Variants in ABCC11 observed in about 807,000 individuals in gnomAD.
The protein encoded by ABCC11 is ATP binding cassette subfamily C member 11, also known as ATP-binding cassette sub-family C member 11.
In ABCC11, 135 loss-of-function variants were observed where a neutral mutation model predicts 149.3. The ratio of observed to expected loss-of-function variants is 0.90; its 90% CI spans 0.79 to 1.04. ABCC11 has a LOEUF of 1.04. Ranked by LOEUF, ABCC11 falls within the 50% of genes least tolerant of loss-of-function variation. The pLI is 0.00. For missense variants in ABCC11, 1,680 were observed against 1,722.1 expected, an observed-to-expected ratio of 0.98 and a Z score of 0.43; for synonymous variants, 665 against 671.4, an observed-to-expected ratio of 0.99 and a Z score of 0.15.
intron 6 of ABCC11, among the ~76,000 whole-genome samples, chr16:48,216,849 T>C (rs1969380077): frequency 6.6e-6 from 1 of 152,164 alleles, no homozygotes; most frequent in Admixed American, 6.5e-5. Context: ...TCACCACATA[T>C]TTCATACTAA....
At chr16:48,178,524 G>T in intron 24 of ABCC11, 73 bp downstream of exon 24, 1 of 1,443,262 alleles carries the variant, frequency 6.9e-7, no homozygotes, top group Admixed American at 1.7e-5. Context: ...AGGCCAGTGG[G>T]GCTTGTAGAG....
At chr16:48,212,267 G>A (rs1316618033) in intron 10 of ABCC11, among the ~76,000 whole-genome samples, 1 of 152,038 alleles carries the variant, frequency 6.6e-6, no homozygotes, top group Non-Finnish European at 1.5e-5. Context: ...CTTCGCAGGG[G>A]CCTTCCCTAA....
rs756229192 is a variant in ABCC11, at chr16:48,193,860, TC to T, written c.2508+18del. The T allele has an allele frequency of 6.3e-6, 10 of 1,597,872 alleles. No individual in the cohort carries two copies. The highest frequency in any genetic ancestry group is 1.3e-5 in the African/African-American group (1 of 74,460). On this transcript the variant is annotated intron_variant, in intron 19 of 29. Transcript: ENST00000356608. ...CTCAAGCCCATAGAAACACAGCCCA[TC>T]CACCTCATGGCACTCACCCCCGAGC...
chr16:48,218,845 A>T (rs1040095591), intron 6 of ABCC11, among the ~76,000 whole-genome samples: 1 of 152,168 alleles, frequency 6.6e-6, no homozygotes, highest in Non-Finnish European at 1.5e-5. Context: ...TTCCTTTATA[A>T]ATTACCCAGT....
At chr16:48,202,892 G>T (rs1968117238) in intron 14 of ABCC11, among the ~76,000 whole-genome samples, 1 of 152,200 alleles carries the variant, frequency 6.6e-6, no homozygotes, top group African/African-American at 2.4e-5. Flanking sequence ...TCCCCTGAGG[G>T]TCATGGCTGA....
At chr16:48,245,730 T>C (rs1047567684) in intron 1 of ABCC11, among the ~76,000 whole-genome samples, 5 of 152,214 alleles carry the variant, frequency 3.3e-5, no homozygotes, top group African/African-American at 1.2e-4. Flanking sequence ...AGGTAATATT[T>C]TGAGTACTTG....
chr16:48,229,753 C>A (rs527436446), intron 3 of ABCC11, among the ~76,000 whole-genome samples: 2 of 152,254 alleles, frequency 1.3e-5, no homozygotes, highest in South Asian at 4.1e-4. Flanking sequence ...CGTGAGCCAC[C>A]GCGCCCGGCC....
Position 48,167,528 on chromosome 16 carries a change from A to G in ABCC11, c.4024T>C (p.Cys1342Arg). ...TTGCCCATAACCAGGATGTGGTCAC[A>G]GTTCAGCACAGTGGTGACACGGTGG... ...IAHRVTTVLN[C>R]DHILVMGNGK... The change falls in exon 29 of 30, where the codon TGT (cysteine) becomes CGT (arginine). Residue 1342 changes from cysteine (C) to arginine (R), a missense_variant. Cys to Arg is a radical substitution (Grantham distance 180). Coordinates refer to ENST00000356608, the MANE Select transcript of ABCC11 (RefSeq NM_001370497.1). 1 of 1,614,162 alleles carries G rather than the reference A, an allele frequency of 6.2e-7. No homozygotes were observed. Among genetic ancestry groups the G allele is most frequent in the Non-Finnish European group, 8.5e-7 (1 of 1,180,012 alleles).
At chr16:48,186,912 C>T in intron 22 of ABCC11, 41 bp downstream of exon 22, 1 of 1,611,594 alleles carries the variant, frequency 6.2e-7, no homozygotes, top group Non-Finnish European at 8.5e-7. Context: ...CCCACCACCC[C>T]TGTGGTTCCA....
At chr16:48,213,579 G>A (rs1277793496) in intron 9 of ABCC11, 29 bp from the exon 10 acceptor site, 12 of 1,567,566 alleles carry the variant, frequency 7.7e-6, no homozygotes, top group Non-Finnish European at 1.0e-5. Flanking sequence ...AGGTGGTGAG[G>A]GTCGTGGCCC....
chr16:48,217,804 T>C (rs1567274972), intron 6 of ABCC11, among the ~76,000 whole-genome samples: 3 of 152,164 alleles, frequency 2.0e-5, no homozygotes, highest in Admixed American at 1.3e-4. Context: ...TAAATTGGTA[T>C]AGCCACTCTG....
chr16:48,239,493 C>T (rs765013270), intron 1 of ABCC11, among the ~76,000 whole-genome samples: 19 of 136,484 alleles, frequency 1.4e-4, no homozygotes, highest in Non-Finnish European at 2.7e-4. Flanking sequence ...ACCCAGGAGG[C>T]GGAGCTTGCA....
At chr16:48,194,731 G>A (rs930854616) in intron 18 of ABCC11, among the ~76,000 whole-genome samples, 3 of 152,292 alleles carry the variant, frequency 2.0e-5, no homozygotes, top group Admixed American at 1.3e-4. Context: ...CAGGGATGGA[G>A]GACACAGCGT....
rs532680642 is a variant in ABCC11, at chr16:48,228,099, T to C, written c.237-135A>G. The C allele has an allele frequency of 1.4e-4, 122 of 868,198 alleles. No individual in the cohort carries two copies. In the South Asian group the frequency reaches 2.3e-3, roughly 17 times the overall value. 53.8% of individuals were successfully genotyped at this position (868,198 alleles called of 1,614,324 possible). ...TGTTTTCATGACTCTTATTTGTAAG[T>C]TGAAAATCATAAACAACAAAAGTGC... On this transcript the variant is annotated intron_variant, in intron 3 of 29. Transcript: ENST00000356608.
In ABCC11 at chr16:48,198,071, G is replaced by C. The variant is rs1425520720; in HGVS notation, c.2218-4C>G. 6.2e-7 allele frequency: 1 copy of C among 1,614,178 alleles called. No individual in the cohort carries two copies. Among genetic ancestry groups the C allele is most frequent in the South Asian group, 1.1e-5 (1 of 91,076 alleles). ...TTGCTGTGTCCTGCAACATGTCCTGGGGAGAGAGCACAGGCCCTGAGTACA... is the reference window on the plus strand; with the variant it reads ...TTGCTGTGTCCTGCAACATGTCCTGCGGAGAGAGCACAGGCCCTGAGTACA... On this transcript the variant is annotated splice_region_variant and splice_polypyrimidine_tract_variant and intron_variant, in intron 16 of 29. Transcript: ENST00000356608.
intron 1 of ABCC11, among the ~76,000 whole-genome samples, chr16:48,238,894 G>T (rs1480800910): frequency 8.1e-6 from 1 of 123,128 alleles, no homozygotes; most frequent in Non-Finnish European, 1.6e-5. Context: ...CCGAGATCTC[G>T]CCACTACACT....
Position 48,170,085 on chromosome 16 carries a change from C to T in ABCC11, c.3891+20G>A. On this transcript the variant is annotated intron_variant, in intron 28 of 29. Transcript: ENST00000356608. ...CGTAGTCTGTGGCTTCCCCTGGCCA[C>T]ACGGCAGTGGTGGCCTCACCTTGGA... The T allele has an allele frequency of 1.2e-6, 2 of 1,604,460 alleles. No homozygotes were observed. The highest frequency in any genetic ancestry group is 1.3e-5 in the African/African-American group (1 of 74,746).
In ABCC11 at chr16:48,205,312, C is replaced by CTGCGTTTA; in HGVS notation, c.1805+100_1805+101insTAAACGCA. ...AATATGATAATGCGTTTAAGTGGAG[C>CTGCGTTTA]ACACAAGTGTTAGCAGTTGTCAGGT... is the stretch of plus-strand genomic sequence containing the variant. On this transcript the variant is annotated intron_variant, in intron 13 of 29. Transcript: ENST00000356608. 3 of 1,494,928 alleles carry CTGCGTTTA rather than the reference C, an allele frequency of 2.0e-6. No individual in the cohort carries two copies. In the South Asian group the frequency reaches 3.7e-5, roughly 18 times the overall value. The allele number at this position is 1,494,928 out of a possible 1,614,324, so 92.6% of individuals were successfully genotyped here. A position where few individuals can be genotyped will look rare whatever the true frequency, so the allele number is the denominator to read the frequency against.
rs34926101 is a variant in ABCC11, at chr16:48,187,148, TG to T, written c.2933+52del. On this transcript the variant is annotated intron_variant, in intron 21 of 29. Coordinates refer to ENST00000356608, the MANE Select transcript of ABCC11 (RefSeq NM_001370497.1). ...CGTCCACCTCTGGGACCATCTAGTC[TG>T]GGTTGGTCCCAGCCTTGCTCCCCAA... 2.2e-5 allele frequency: 35 copies of T among 1,613,534 alleles called. No homozygotes were observed. In the South Asian group the frequency reaches 3.7e-4, roughly 17 times the overall value.
Sources: allele counts gnomAD v4.1 joint callset (sites outside exome capture counted in the v4.1 genomes callset), GRCh38; gene constraint gnomAD v4.1.1; transcripts MANE v1.5; gene names NCBI Gene and HGNC (gene_info 2026-07-23, HGNC 2026-07-21).